PAPPA2: variants seen among roughly 807,000 people sequenced by gnomAD.
PAPPA2 encodes the protein pappalysin-2.
Under a neutral mutation model 176.4 loss-of-function variants are expected in PAPPA2, and 86 were observed. The observed-to-expected ratio is 0.49, with a 90% CI of 0.41 to 0.58. PAPPA2 has a LOEUF of 0.58. Ranked by LOEUF, PAPPA2 falls within the 20% of genes least tolerant of loss-of-function variation. The probability of loss-of-function intolerance (pLI) is 0.00; values close to 1 mark genes in which losing one functional copy is unlikely to be tolerated. For missense variants in PAPPA2, 2,073 were observed against 2,256.9 expected, an observed-to-expected ratio of 0.92 and a Z score of 1.65; for synonymous variants, 809 against 852.2, an observed-to-expected ratio of 0.95 and a Z score of 0.88.
intron 1 of PAPPA2, among the ~76,000 whole-genome samples, chr1:176,470,989 A>G (rs1651846740): frequency 6.6e-6 from 1 of 152,116 alleles, no homozygotes; most frequent in African/African-American, 2.4e-5. Context: ...GGAGCCATTG[A>G]TTCTGGGACC....
At chr1:176,582,512 T>G (rs1458981222) in intron 2 of PAPPA2, among the ~76,000 whole-genome samples, 1 of 152,210 alleles carries the variant, frequency 6.6e-6, no homozygotes, top group African/African-American at 2.4e-5. Context: ...TTTTTATTAT[T>G]AAAGGATGTT....
At chr1:176,765,161 G>A (rs932613697) in intron 14 of PAPPA2, among the ~76,000 whole-genome samples, 1 of 152,194 alleles carries the variant, frequency 6.6e-6, no homozygotes, top group African/African-American at 2.4e-5. Flanking sequence ...AATTGGTGTT[G>A]CCTTTCTGTC....
chr1:176,547,866 G>T (rs1412378194), intron 1 of PAPPA2, among the ~76,000 whole-genome samples: 1 of 152,202 alleles, frequency 6.6e-6, no homozygotes, highest in Non-Finnish European at 1.5e-5. Flanking sequence ...ATGTCCCATA[G>T]AAGCTATTCC....
intron 1 of PAPPA2, among the ~76,000 whole-genome samples, chr1:176,472,292 T>C (rs34078194): frequency 1.4e-3 from 217 of 152,340 alleles, no homozygotes; most frequent in Non-Finnish European, 2.8e-3. Context: ...CGTGTATCCA[T>C]GTGTTCCTAT....
intron 3 of PAPPA2, among the ~76,000 whole-genome samples, chr1:176,644,104 G>A (rs1657254428): frequency 6.6e-6 from 1 of 151,830 alleles, no homozygotes; most frequent in Non-Finnish European, 1.5e-5. Flanking sequence ...AATATAAAAG[G>A]CAAGCAAAAA....
intron 10 of PAPPA2, among the ~76,000 whole-genome samples, chr1:176,706,876 T>C (rs960288792): frequency 3.9e-5 from 6 of 152,176 alleles, no homozygotes; most frequent in African/African-American, 1.4e-4. Context: ...TAAGGAAACA[T>C]TCTAAGCCAA....
At position 176,632,423 on chromosome 1, in the gene PAPPA2, G is replaced by A. The variant is rs1312689537; in HGVS notation, c.1991+36828G>A. On this transcript the variant is annotated intron_variant, in intron 3 of 22. Coordinates refer to ENST00000367662, the MANE Select transcript of PAPPA2 (RefSeq NM_020318.3). Reference sequence around the variant, plus strand: ...AAGGGATCAAGAAAGTGAAGACTCCGGAGGCTGAGGCAGGAGAATGGCGTG... The same window carrying A: ...AAGGGATCAAGAAAGTGAAGACTCCAGAGGCTGAGGCAGGAGAATGGCGTG... 2.6e-5 allele frequency among the ~76,000 whole-genome samples: 4 copies of A among 152,154 alleles called. No homozygotes were observed. The South Asian group carries it at 6.2e-4, about 24-fold the overall frequency.
chr1:176,594,851 G>T lies in PAPPA2; in HGVS notation c.1247G>T (p.Gly416Val), dbSNP rs1426898654. 2 of 1,614,208 alleles carry T rather than the reference G, an allele frequency of 1.2e-6. No homozygotes were observed. Among genetic ancestry groups the T allele is most frequent in the African/African-American group, 2.7e-5 (2 of 75,046 alleles). The change falls in exon 3 of 23, where the codon GGG (glycine) becomes GTG (valine). Residue 416 changes from glycine to valine, a missense_variant. Around this residue, in one of 4 missense-constraint regions of PAPPA2, gnomAD observed 1,196 missense variants for 1,330.4 expected, o/e 0.90. Transcript: ENST00000367662. ...LLLGGDSSED[G>V]HYFRGHLGTL... ...CTGGGGGGAGACAGCTCTGAGGATGGGCACTATTTCCGTGGACACCTGGGC... is the reference window on the plus strand; with the variant it reads ...CTGGGGGGAGACAGCTCTGAGGATGTGCACTATTTCCGTGGACACCTGGGC...
chr1:176,671,830 ATCT>A (rs1659020202), intron 4 of PAPPA2, among the ~76,000 whole-genome samples: 1 of 147,738 alleles, frequency 6.8e-6, no homozygotes, highest in Admixed American at 7.0e-5. Flanking sequence ...CAAACACCAC[ATCT>A]TCTCACTCAT....
intron 3 of PAPPA2, among the ~76,000 whole-genome samples, chr1:176,611,285 A>T (rs1344787169): frequency 1.3e-5 from 2 of 152,222 alleles, no homozygotes; most frequent in African/African-American, 4.8e-5. Context: ...CTATAAGAAG[A>T]TATCAGATAA....
intron 12 of PAPPA2, among the ~76,000 whole-genome samples, chr1:176,720,465 A>G (rs565062951): frequency 2.6e-5 from 4 of 152,188 alleles, no homozygotes; most frequent in African/African-American, 9.6e-5. Context: ...GTAATTAAGA[A>G]TGTTCAGTTT....
intron 4 of PAPPA2, among the ~76,000 whole-genome samples, chr1:176,685,435 G>T (rs1263011506): frequency 6.6e-6 from 1 of 152,216 alleles, no homozygotes; most frequent in East Asian, 1.9e-4. Context: ...TGAGAGAGAA[G>T]CTTCTGCCCA....
chr1:176,619,682 G>A (rs568563046), intron 3 of PAPPA2, among the ~76,000 whole-genome samples: 3 of 152,250 alleles, frequency 2.0e-5, no homozygotes, highest in Admixed American at 6.5e-5. Context: ...TTGAATAACT[G>A]TTCTTAGTGC....
chr1:176,744,290 A>C (rs550427961), intron 14 of PAPPA2, among the ~76,000 whole-genome samples: 2 of 152,086 alleles, frequency 1.3e-5, no homozygotes, highest in Non-Finnish European at 2.9e-5. Context: ...TATTTGTTTG[A>C]TAAATATTTG....
intron 14 of PAPPA2, among the ~76,000 whole-genome samples, chr1:176,758,407 T>C (rs1663532487): frequency 1.3e-5 from 2 of 152,170 alleles, no homozygotes; most frequent in African/African-American, 4.8e-5. Context: ...CAAAGCTATC[T>C]AAGGATGAAT....
intron 1 of PAPPA2, among the ~76,000 whole-genome samples, chr1:176,499,415 A>G (rs1001437954): frequency 1.3e-5 from 2 of 152,188 alleles, no homozygotes; most frequent in Non-Finnish European, 2.9e-5. Flanking sequence ...TATTCCAAAG[A>G]TCTATAAAAC....
At position 176,557,011 on chromosome 1, in the gene PAPPA2, G is replaced by C. The variant is rs146412325; in HGVS notation, c.689G>C (p.Arg230Thr). Reference sequence around the variant, plus strand: ...TGGCCCAAGCATTCCCTTAAACACAGGGTCAAAAAGAGTCCACCGGAGGAA... The same window carrying C: ...TGGCCCAAGCATTCCCTTAAACACACGGTCAAAAAGAGTCCACCGGAGGAA... ...QPWPKHSLKH[R>T]VKKSPPEESN... is the part of the protein sequence containing the mutation. The change falls in exon 2 of 23, where the codon AGG becomes ACG. Residue 230 changes from arginine (R) to threonine (T), a missense_variant. By Grantham distance (71) the Arg-to-Thr change is moderately conservative. Transcript: ENST00000367662. The C allele has an allele frequency of 3.4e-4, 549 of 1,614,026 alleles. 2 individuals are homozygous for C. The East Asian group carries it at 0.011, about 31-fold the overall frequency.
At chr1:176,599,224 T>TA (rs1654163144) in intron 3 of PAPPA2, among the ~76,000 whole-genome samples, 1 of 152,048 alleles carries the variant, frequency 6.6e-6, no homozygotes, top group Non-Finnish European at 1.5e-5. Flanking sequence ...CACACACAAA[T>TA]ATATTTGCAT....
intron 4 of PAPPA2, among the ~76,000 whole-genome samples, chr1:176,677,479 G>T (rs1659359976): frequency 6.6e-6 from 1 of 152,128 alleles, no homozygotes; most frequent in Non-Finnish European, 1.5e-5. Context: ...TTAACACAAA[G>T]AAAAATCTTT....
Sources: gnomAD v4.1 joint callset for allele counts (sites outside exome capture counted in the v4.1 genomes callset) on GRCh38, gnomAD v4.1.1 for gene constraint, gnomAD v4.1.1 regional missense constraint, MANE v1.5 for transcripts, NCBI Gene and HGNC (gene_info 2026-07-23, HGNC 2026-07-21) for gene names.